Variants in CASD1 observed in about 807,000 individuals in gnomAD.
The protein encoded by CASD1 is CAS1 domain sialic acid O acetyltransferase 1, also known as N-acetylneuraminate (7)9-O-acetyltransferase.
Under a neutral mutation model 100.0 loss-of-function variants are expected in CASD1, and 41 were observed. That is an observed-to-expected ratio of 0.41 (90% CI 0.32 to 0.53). CASD1 has a LOEUF of 0.53. CASD1 is among the 20% of genes least tolerant of loss of function. The probability of loss-of-function intolerance (pLI) is 0.25; values close to 1 mark genes in which losing one functional copy is unlikely to be tolerated. For missense variants in CASD1, 774 were observed against 948.7 expected, an observed-to-expected ratio of 0.82 and a Z score of 2.42; for synonymous variants, 321 against 315.6, an observed-to-expected ratio of 1.02 and a Z score of -0.18.
At chr7:94,601,473 A>AAAC in the CASD1 span, among the ~76,000 whole-genome samples, 1 of 134,996 alleles carries the variant, frequency 7.4e-6, no homozygotes, top group African/African-American at 2.6e-5. Flanking sequence ...AAAAAAAAAA[A>AAAC]AAACTACAAC....
the CASD1 span, among the ~76,000 whole-genome samples, chr7:94,603,106 G>C: frequency 9.9e-4 from 151 of 152,218 alleles, 1 homozygote; most frequent in African/African-American, 3.5e-3. Flanking sequence ...TACAAAAGTG[G>C]ATATATTCTT....
At chr7:94,617,081 G>A in the CASD1 span, 18 of 152,106 alleles carry the variant, frequency 1.2e-4, no homozygotes, top group African/African-American at 3.4e-4. Flanking sequence ...AGTACTTGTA[G>A]GACAAAAATT....
chr7:94,548,766 C>T (rs1332805742), intron 13 of CASD1, among the ~76,000 whole-genome samples: 1 of 151,790 alleles, frequency 6.6e-6, no homozygotes, highest in Admixed American at 6.6e-5. Flanking sequence ...AGTAATGGAG[C>T]TTTCCTTGAT....
chr7:94,573,434 A>T, the CASD1 span, among the ~76,000 whole-genome samples: 1 of 152,028 alleles, frequency 6.6e-6, no homozygotes, highest in Non-Finnish European at 1.5e-5. Flanking sequence ...CATTGTAGAG[A>T]TCTTTCACCT....
At chr7:94,563,458 G>A in the CASD1 span, among the ~76,000 whole-genome samples, 2 of 151,964 alleles carry the variant, frequency 1.3e-5, no homozygotes, top group African/African-American at 4.8e-5. Flanking sequence ...TTCTTAAAAT[G>A]CCTGCTTATT....
Position 94,552,578 on chromosome 7 carries a change from A to G in CASD1, c.2034+151A>G. On this transcript the variant is annotated intron_variant, in intron 16 of 17. Coordinates refer to ENST00000297273, the MANE Select transcript of CASD1 (RefSeq NM_022900.5). Reference sequence around the variant, plus strand: ...TTCCTTTCTCTGTAGTAATAGGGATATTAAAATCTCTTTCAAAGGGTTCTT... The same window carrying G: ...TTCCTTTCTCTGTAGTAATAGGGATGTTAAAATCTCTTTCAAAGGGTTCTT... The G allele has an allele frequency of 5.1e-6, 3 of 591,132 alleles. No individual in the cohort carries two copies. In the South Asian group the frequency reaches 6.8e-5, roughly 13 times the overall value. 36.6% of individuals were successfully genotyped at this position (591,132 alleles called of 1,614,324 possible).
downstream of CASD1, among the ~76,000 whole-genome samples, chr7:94,561,802 T>C (rs1562954631): frequency 6.6e-6 from 1 of 152,090 alleles, no homozygotes; most frequent in Non-Finnish European, 1.5e-5. Context: ...CTTCTGTGAG[T>C]TTGACTGTGG....
At chr7:94,598,726 T>TA in the CASD1 span, 1 of 1,241,544 alleles carries the variant, frequency 8.1e-7, no homozygotes, top group East Asian at 2.3e-5. Flanking sequence ...CAGATATTAG[T>TA]AAAAATATAC....
the CASD1 span, among the ~76,000 whole-genome samples, chr7:94,613,278 A>T: frequency 1.1e-3 from 171 of 152,266 alleles, no homozygotes; most frequent in Non-Finnish European, 1.8e-3. Context: ...GTCCATGTGT[A>T]ATAATAATAA....
At chr7:94,558,744 C>T (rs1796287563), downstream of CASD1, among the ~76,000 whole-genome samples, 1 of 151,924 alleles carries the variant, frequency 6.6e-6, no homozygotes, top group South Asian at 2.1e-4. Flanking sequence ...AACTATATTC[C>T]CAAAATTGTG....
At chr7:94,564,056 C>T in the CASD1 span, among the ~76,000 whole-genome samples, 20,678 of 144,630 alleles carry the variant, frequency 0.14, 4,619 homozygotes, top group African/African-American at 0.49. Context: ...TAGTTTAGAT[C>T]TCTTCAGACT....
At chr7:94,583,231 A>G in the CASD1 span, among the ~76,000 whole-genome samples, 1 of 152,178 alleles carries the variant, frequency 6.6e-6, no homozygotes, top group Non-Finnish European at 1.5e-5. Context: ...GTAGACTTAC[A>G]GATGTGAATT....
chr7:94,598,629 A>G, the CASD1 span: 1 of 712,732 alleles, frequency 1.4e-6, no homozygotes, highest in Non-Finnish European at 2.5e-6. Context: ...TCAGGAGAGT[A>G]GGGGTGAGAT....
At chr7:94,592,002 C>T in the CASD1 span, among the ~76,000 whole-genome samples, 122 of 152,152 alleles carry the variant, frequency 8.0e-4, no homozygotes, top group Middle Eastern at 3.4e-3. Context: ...TGCTTGTGTG[C>T]GCAAAAAGGT....
the CASD1 span, chr7:94,598,983 A>C: frequency 6.3e-7 from 1 of 1,589,846 alleles, no homozygotes. Context: ...AAAGAAATAA[A>C]ACAACATATA....
At chr7:94,600,713 G>A in the CASD1 span, 1 of 1,613,854 alleles carries the variant, frequency 6.2e-7, no homozygotes, top group Non-Finnish European at 8.5e-7. Context: ...ACTGCCGAGG[G>A]CACAGCCAGT....
chr7:94,611,581 C>T, the CASD1 span, among the ~76,000 whole-genome samples: 2 of 152,088 alleles, frequency 1.3e-5, no homozygotes, highest in African/African-American at 2.4e-5. Context: ...ATAATGATTG[C>T]ATGACTGTGA....
the CASD1 span, chr7:94,588,642 C>T: frequency 1.7e-5 from 26 of 1,566,394 alleles, no homozygotes; most frequent in Middle Eastern, 1.8e-4. Context: ...ATCTTTTAAT[C>T]TATTAGATTC....
chr7:94,570,577 A>G, the CASD1 span, among the ~76,000 whole-genome samples: 6 of 151,876 alleles, frequency 4.0e-5, no homozygotes, highest in Non-Finnish European at 7.4e-5. Flanking sequence ...TCACTGCAAC[A>G]TCCACCTCCC....
Sources: allele counts gnomAD v4.1 joint callset (sites outside exome capture counted in the v4.1 genomes callset), GRCh38; gene constraint gnomAD v4.1.1; transcripts MANE v1.5; gene names NCBI Gene and HGNC (gene_info 2026-07-23, HGNC 2026-07-21).